Variants in KDM4C observed in about 807,000 individuals in gnomAD.
KDM4C encodes the protein lysine demethylase 4C.
Under a neutral mutation model 129.3 loss-of-function variants are expected in KDM4C, and 81 were observed. The ratio of observed to expected loss-of-function variants is 0.63; its 90% CI spans 0.52 to 0.75. The LOEUF (loss-of-function observed/expected upper bound fraction) is 0.75. Ranked by LOEUF, KDM4C falls within the 30% of genes least tolerant of loss-of-function variation. The pLI is 0.00. For missense variants in KDM4C, 1,457 were observed against 1,304.0 expected (o/e 1.12, Z -1.81); for synonymous variants, 573 against 456.1 (o/e 1.26, Z -3.26).
At chr9:6,976,998 C>G (rs997564281) in intron 8 of KDM4C, among the ~76,000 whole-genome samples, 2 of 152,080 alleles carry the variant, frequency 1.3e-5, no homozygotes, top group African/African-American at 4.8e-5. Flanking sequence ...TGTTTTGAGA[C>G]TGGATTATGA....
intron 1 of KDM4C, among the ~76,000 whole-genome samples, chr9:6,784,950 T>G (rs2130799358): frequency 1.3e-5 from 2 of 152,288 alleles, no homozygotes; most frequent in Middle Eastern, 6.8e-3. Flanking sequence ...AAGGATGAAG[T>G]TAGATGAAAA....
intron 8 of KDM4C, among the ~76,000 whole-genome samples, chr9:6,980,153 A>G (rs1478122027): frequency 1.3e-5 from 2 of 152,178 alleles, no homozygotes; most frequent in Non-Finnish European, 2.9e-5. Context: ...TTTATGCACC[A>G]CCATTTGAAT....
intron 17 of KDM4C, among the ~76,000 whole-genome samples, chr9:7,084,213 C>A (rs10429452): frequency 0.15 from 23,364 of 152,096 alleles, 2,958 homozygotes; most frequent in African/African-American, 0.35. Context: ...CTGAAGCTTT[C>A]GGAGCCACTA....
intron 5 of KDM4C, among the ~76,000 whole-genome samples, chr9:6,877,358 A>G (rs1002241537): frequency 3.3e-5 from 5 of 151,760 alleles, no homozygotes; most frequent in East Asian, 1.9e-4. Context: ...CCGCCACCAC[A>G]CCCGGATAAT....
intron 4 of KDM4C, among the ~76,000 whole-genome samples, chr9:6,844,418 T>G (rs1206274956): frequency 6.6e-6 from 1 of 152,226 alleles, no homozygotes; most frequent in African/African-American, 2.4e-5. Context: ...TTTGTTTTAC[T>G]GACTTAAACA....
At chr9:7,018,462 C>T (rs1824079167) in intron 15 of KDM4C, among the ~76,000 whole-genome samples, 1 of 151,992 alleles carries the variant, frequency 6.6e-6, no homozygotes, top group African/African-American at 2.4e-5. Context: ...ATATATCAAG[C>T]TCTTATTTAT....
intron 5 of KDM4C, among the ~76,000 whole-genome samples, chr9:6,852,862 ACT>A (rs1240119506): frequency 4.0e-5 from 6 of 151,290 alleles, no homozygotes; most frequent in Non-Finnish European, 5.9e-5. Flanking sequence ...TTGCTTAAAG[ACT>A]CTCTGGACTA....
At chr9:6,945,346 G>C (rs911961857) in intron 8 of KDM4C, among the ~76,000 whole-genome samples, 1 of 152,064 alleles carries the variant, frequency 6.6e-6, no homozygotes, top group African/African-American at 2.4e-5. Flanking sequence ...TGTCACCCTG[G>C]TTGTGAAAAT....
intron 19 of KDM4C, among the ~76,000 whole-genome samples, chr9:7,136,599 A>G (rs998330836): frequency 6.6e-6 from 1 of 152,234 alleles, no homozygotes; most frequent in Non-Finnish European, 1.5e-5. Flanking sequence ...CATCTTTTCA[A>G]GTGCTTATTA....
At chr9:6,953,567 T>A (rs923410468) in intron 8 of KDM4C, among the ~76,000 whole-genome samples, 2 of 152,236 alleles carry the variant, frequency 1.3e-5, no homozygotes, top group African/African-American at 4.8e-5. Flanking sequence ...TAGCTCATTT[T>A]GAAAATAATG....
At chr9:6,857,761 T>A (rs1840131391) in intron 5 of KDM4C, among the ~76,000 whole-genome samples, 4 of 151,686 alleles carry the variant, frequency 2.6e-5, no homozygotes, top group African/African-American at 9.7e-5. Context: ...TGTACTTTTT[T>A]TTTTTTTTTT....
At chr9:6,924,719 C>T (rs1348957357) in intron 8 of KDM4C, 4 of 976,864 alleles carry the variant, frequency 4.1e-6, no homozygotes, top group Non-Finnish European at 4.9e-6. Context: ...CTGGGAAACT[C>T]CTGTGGATTT....
chr9:6,866,934 T>G (rs2130580104), intron 5 of KDM4C, among the ~76,000 whole-genome samples: 1 of 146,978 alleles, frequency 6.8e-6, no homozygotes, highest in African/African-American at 2.5e-5. Flanking sequence ...GAAAAATGTA[T>G]GTAAAAATGT....
At chr9:7,137,734 C>A (rs1289051432) in intron 19 of KDM4C, among the ~76,000 whole-genome samples, 1 of 152,184 alleles carries the variant, frequency 6.6e-6, no homozygotes, top group African/African-American at 2.4e-5. Flanking sequence ...CAGGGAGCTG[C>A]CTGTTTACAA....
intron 8 of KDM4C, among the ~76,000 whole-genome samples, chr9:6,941,118 C>T (rs1053277681): frequency 3.9e-5 from 6 of 152,044 alleles, no homozygotes; most frequent in Admixed American, 3.9e-4. Context: ...GCAACCTCTG[C>T]CTCTTGGGTT....
intron 1 of KDM4C, among the ~76,000 whole-genome samples, chr9:6,747,604 T>G (rs1297241687): frequency 6.6e-6 from 1 of 151,904 alleles, no homozygotes; most frequent in African/African-American, 2.4e-5. Context: ...GCAATGGAGT[T>G]TTCTGGAAAC....
intron 17 of KDM4C, among the ~76,000 whole-genome samples, chr9:7,088,760 T>C (rs1394088962): frequency 6.6e-6 from 1 of 152,018 alleles, no homozygotes; most frequent in African/African-American, 2.4e-5. Context: ...GCCTCATCTG[T>C]CCACTCCACA....
chr9:7,022,685 T>C (rs148314750), intron 15 of KDM4C, among the ~76,000 whole-genome samples: 19 of 150,864 alleles, frequency 1.3e-4, no homozygotes, highest in African/African-American at 4.4e-4. Flanking sequence ...TCCAGTACTG[T>C]GTTGAAGAAC....
intron 1 of KDM4C, among the ~76,000 whole-genome samples, chr9:6,766,138 C>T (rs1371518403): frequency 6.6e-6 from 1 of 152,052 alleles, no homozygotes; most frequent in Non-Finnish European, 1.5e-5. Flanking sequence ...GTTGAGTATT[C>T]CTTATCTGAA....
Sources: allele counts gnomAD v4.1 joint callset (sites outside exome capture counted in the v4.1 genomes callset), GRCh38; gene constraint gnomAD v4.1.1; transcripts MANE v1.5; gene names NCBI Gene and HGNC (gene_info 2026-07-23, HGNC 2026-07-21).